The following DAB1 variants were observed in gnomAD, a reference collection of about 807,000 sequenced individuals.
DAB1 encodes the protein DAB adaptor protein 1, also known as disabled homolog 1.
A neutral mutation model predicts 64.6 loss-of-function variants in DAB1; 15 were observed. That is an observed-to-expected ratio of 0.23 (90% CI 0.16 to 0.36). The LOEUF is 0.36. DAB1 is among the 10% of genes least tolerant of loss of function. The pLI is 1.00. For synonymous variants in DAB1, 235 were observed against 251.9 expected (o/e 0.93, Z 0.64); for missense variants, 596 against 706.7 (o/e 0.84, Z 1.78).
chr1:57,767,853 A>G (rs1430956670), intron 6 of DAB1, among the ~76,000 whole-genome samples: 1 of 152,072 alleles, frequency 6.6e-6, no homozygotes. Flanking sequence ...AAAATGAATC[A>G]TATCATATAT....
intron 5 of DAB1, chr1:58,048,347 C>A (rs1206206606): frequency 2.9e-6 from 3 of 1,016,952 alleles, no homozygotes; most frequent in Non-Finnish European, 4.7e-6. Flanking sequence ...GTTTTAATTG[C>A]CCAAATCACT....
At chr1:57,747,664 C>A (rs1466170288) in intron 6 of DAB1, among the ~76,000 whole-genome samples, 1 of 151,558 alleles carries the variant, frequency 6.6e-6, no homozygotes, top group Non-Finnish European at 1.5e-5. Context: ...AAAAAATTAG[C>A]CGGGATTGGT....
At position 57,343,904 on chromosome 1, in the gene DAB1, G is replaced by A. The variant is rs550948869; in HGVS notation, c.-136-52738C>T. On this transcript the variant is annotated intron_variant, in intron 1 of 14. Transcript: ENST00000371236. ...CTCCTCAAGTGTGGCCAGAGTGGGCGCCAAGGCCAAGGAGGCGCCCAGAGC... is the reference window on the plus strand; with the variant it reads ...CTCCTCAAGTGTGGCCAGAGTGGGCACCAAGGCCAAGGAGGCGCCCAGAGC... 3.0e-3 allele frequency among the ~76,000 whole-genome samples: 454 copies of A among 152,338 alleles called. 1 individual carries two copies. The highest frequency in any genetic ancestry group is 9.5e-3 in the African/African-American group (397 of 41,592).
At chr1:58,413,461 A>G (rs1296919727) in intron 3 of DAB1, among the ~76,000 whole-genome samples, 1 of 152,182 alleles carries the variant, frequency 6.6e-6, no homozygotes, top group Non-Finnish European at 1.5e-5. Context: ...GTCATCATTC[A>G]AACTTGGGTG....
chr1:57,468,181 G>C (rs1258731856), intron 7 of DAB1, among the ~76,000 whole-genome samples: 1 of 152,124 alleles, frequency 6.6e-6, no homozygotes, highest in Admixed American at 6.5e-5. Context: ...ATAGTGCTTG[G>C]CATATAGGAA....
chr1:58,427,747 G>A lies in DAB1; in HGVS notation n.257+78313C>T, dbSNP rs374929573. ...GTTTGACTTGGTAAATATTAAGTCCGAGGTGCTTTATCTTAAAATGTTAGA... is the reference window on the plus strand; with the variant it reads ...GTTTGACTTGGTAAATATTAAGTCCAAGGTGCTTTATCTTAAAATGTTAGA... On this transcript the variant is annotated intron_variant and non_coding_transcript_variant, in intron 3 of 20. Transcript: ENST00000485760. Among the ~76,000 whole-genome samples the A allele has an allele frequency of 2.8e-4, 43 of 152,276 alleles. 1 individual carries two copies. Among genetic ancestry groups the A allele is most frequent in the East Asian group, 1.9e-3 (10 of 5,182 alleles).
chr1:57,608,808 C>T (rs749088733), intron 7 of DAB1, among the ~76,000 whole-genome samples: 1 of 152,120 alleles, frequency 6.6e-6, no homozygotes, highest in Non-Finnish European at 1.5e-5. Flanking sequence ...ATGTTCTTAA[C>T]CCCTACATTC....
chr1:57,838,801 G>A lies in DAB1; in HGVS notation n.88-12346C>T, dbSNP rs1330190068. Among the ~76,000 whole-genome samples the A allele has an allele frequency of 3.4e-5, 5 of 148,620 alleles. No individual in the cohort carries two copies. In the East Asian group the frequency reaches 9.9e-4, roughly 29 times the overall value. Reference sequence around the variant, plus strand: ...TTTTTTTTTTCTTTTTTTTGAGGCAGGGTCTCTCTCTGTCACCCAGGCTAG... The same window carrying A: ...TTTTTTTTTTCTTTTTTTTGAGGCAAGGTCTCTCTCTGTCACCCAGGCTAG... On this transcript the variant is annotated intron_variant and non_coding_transcript_variant, in intron 1 of 1. Coordinates refer to the DAB1 transcript ENST00000477280.
At chr1:58,390,309 G>A (rs919301959) in intron 3 of DAB1, among the ~76,000 whole-genome samples, 4 of 152,024 alleles carry the variant, frequency 2.6e-5, no homozygotes, top group Non-Finnish European at 5.9e-5. Context: ...GCCTCTCAGG[G>A]GACTTATTAC....
At chr1:58,512,283 C>A (rs1646090000) in intron 2 of DAB1, among the ~76,000 whole-genome samples, 2 of 152,082 alleles carry the variant, frequency 1.3e-5, no homozygotes, top group Non-Finnish European at 2.9e-5. Flanking sequence ...GAAACTGGAA[C>A]TCTTGTACAC....
At chr1:57,601,198 A>G (rs527696135) in intron 7 of DAB1, among the ~76,000 whole-genome samples, 4 of 152,182 alleles carry the variant, frequency 2.6e-5, no homozygotes, top group Non-Finnish European at 5.9e-5. Flanking sequence ...GAGTCAATCC[A>G]GACTCCACAG....
intron 6 of DAB1, among the ~76,000 whole-genome samples, chr1:57,677,981 C>T (rs1570729389): frequency 1.3e-5 from 2 of 152,126 alleles, no homozygotes; most frequent in Admixed American, 1.3e-4. Flanking sequence ...ATCTGGAAAA[C>T]TTTAGAAAAC....
chr1:57,341,748 C>G (rs1677605738), intron 1 of DAB1, among the ~76,000 whole-genome samples: 1 of 152,060 alleles, frequency 6.6e-6, no homozygotes, highest in African/African-American at 2.4e-5. Flanking sequence ...GTACACAGGT[C>G]CCCCGAAAAA....
intron 7 of DAB1, among the ~76,000 whole-genome samples, chr1:57,543,577 A>T (rs2691446): frequency 0.29 from 43,591 of 151,968 alleles, 6,747 homozygotes; most frequent in South Asian, 0.42. Flanking sequence ...AATGTAAAAT[A>T]GAGTAAAAAC....
intron 7 of DAB1, among the ~76,000 whole-genome samples, chr1:57,455,334 A>G (rs1022570124): frequency 2.0e-5 from 3 of 152,116 alleles, no homozygotes; most frequent in African/African-American, 7.2e-5. Flanking sequence ...AGCAATATTT[A>G]TTATCCCAAA....
rs1050752955 is a variant in DAB1, at chr1:58,120,855, C to A, written n.387+29656G>T. ...TTTTCAGTTACCTTCTTTGGAGAAGCAGGAGCCAGGCGAAGGTGGCCTCTG... is the reference window on the plus strand; with the variant it reads ...TTTTCAGTTACCTTCTTTGGAGAAGAAGGAGCCAGGCGAAGGTGGCCTCTG... On this transcript the variant is annotated intron_variant and non_coding_transcript_variant, in intron 5 of 20. Transcript: ENST00000485760. 4.2e-4 allele frequency among the ~76,000 whole-genome samples: 64 copies of A among 152,280 alleles called. 2 individuals are homozygous for A. The highest frequency in any genetic ancestry group is 4.2e-3 in the Admixed American group (64 of 15,290).
At chr1:57,608,822 T>C (rs1645691768) in intron 7 of DAB1, among the ~76,000 whole-genome samples, 1 of 152,178 alleles carries the variant, frequency 6.6e-6, no homozygotes, top group Non-Finnish European at 1.5e-5. Context: ...TACATTCTAG[T>C]GGCTGGTGGT....
At chr1:57,402,537 C>T (rs796838689) in intron 1 of DAB1, among the ~76,000 whole-genome samples, 1 of 152,246 alleles carries the variant, frequency 6.6e-6, no homozygotes, top group African/African-American at 2.4e-5. Flanking sequence ...GACTGAAGTG[C>T]CCACTCTCTA....
intron 5 of DAB1, among the ~76,000 whole-genome samples, chr1:57,954,894 G>A (rs1404771028): frequency 2.0e-5 from 3 of 152,186 alleles, no homozygotes; most frequent in Admixed American, 6.5e-5. Context: ...GGGGCAAGGT[G>A]TGTTATCCCC....
Sources: gnomAD v4.1 joint callset for allele counts (sites outside exome capture counted in the v4.1 genomes callset) on GRCh38, gnomAD v4.1.1 for gene constraint, MANE v1.5 for transcripts, NCBI Gene and HGNC (gene_info 2026-07-23, HGNC 2026-07-21) for gene names.